Variants in CPED1 observed in about 807,000 individuals in gnomAD.
The protein encoded by CPED1 is cadherin like and PC-esterase domain containing 1.
Under a neutral mutation model 128.2 loss-of-function variants are expected in CPED1, and 114 were observed. The ratio of observed to expected loss-of-function variants is 0.89; its 90% CI spans 0.76 to 1.04. The LOEUF is 1.04. Ranked by LOEUF, CPED1 falls within the 50% of genes least tolerant of loss-of-function variation. CPED1 has a pLI of 0.00. For synonymous variants in CPED1, 462 were observed against 426.7 expected (o/e 1.08, Z -1.02); for missense variants, 1,211 against 1,207.1 (o/e 1.00, Z -0.05).
intron 9 of CPED1, among the ~76,000 whole-genome samples, chr7:121,126,739 A>G (rs540514428): frequency 2.6e-5 from 4 of 152,072 alleles, no homozygotes; most frequent in Non-Finnish European, 5.9e-5. Context: ...ATTGTTTTGC[A>G]TGCATACCTA....
intron 16 of CPED1, among the ~76,000 whole-genome samples, chr7:121,159,232 G>C (rs193108580): frequency 1.3e-5 from 2 of 151,988 alleles, no homozygotes; most frequent in Admixed American, 1.3e-4. Context: ...TAAAAAAAAT[G>C]GTATAAATTT....
chr7:121,142,267 CA>C (rs1563043227), intron 16 of CPED1, 126 bp downstream of exon 16: 1 of 880,008 alleles, frequency 1.1e-6, no homozygotes, highest in Non-Finnish European at 1.7e-6. Context: ...GGTCTCATTT[CA>C]AAAAAGTGAG....
intron 7 of CPED1, among the ~76,000 whole-genome samples, 155 bp from the exon 8 acceptor site, chr7:121,124,176 A>G (rs1203397232): frequency 3.9e-5 from 6 of 152,316 alleles, no homozygotes; most frequent in South Asian, 2.1e-4. Flanking sequence ...ATATACCTGT[A>G]TCTTAGATTA....
chr7:121,090,973 G>A (rs1015583412), intron 5 of CPED1, among the ~76,000 whole-genome samples: 3 of 151,596 alleles, frequency 2.0e-5, no homozygotes, highest in East Asian at 1.9e-4. Context: ...AAAAAAAAAA[G>A]CATAGAATTG....
chr7:121,151,600 TTTGC>T (rs1209471185), intron 16 of CPED1, among the ~76,000 whole-genome samples: 7 of 152,218 alleles, frequency 4.6e-5, no homozygotes, highest in African/African-American at 1.7e-4. Flanking sequence ...AAATCTAATA[TTTGC>T]CTTAGAAATA....
intron 4 of CPED1, among the ~76,000 whole-genome samples, chr7:121,055,326 C>A (rs1793466406): frequency 6.6e-6 from 1 of 151,956 alleles, no homozygotes; most frequent in Non-Finnish European, 1.5e-5. Context: ...ATAAATGTGG[C>A]AAGTTGCAGT....
intron 22 of CPED1, among the ~76,000 whole-genome samples, chr7:121,291,412 T>C (rs1028738136): frequency 1.3e-5 from 2 of 152,246 alleles, no homozygotes; most frequent in African/African-American, 2.4e-5. Context: ...TTTCACAATA[T>C]TGATTCTTCC....
At chr7:121,255,125 A>T (rs1012999821) in intron 18 of CPED1, among the ~76,000 whole-genome samples, 8 of 152,082 alleles carry the variant, frequency 5.3e-5, no homozygotes, top group African/African-American at 1.9e-4. Flanking sequence ...ACTTCAGCCC[A>T]GTTTGCCTGA....
chr7:121,198,341 A>G (rs1797315623), intron 16 of CPED1, among the ~76,000 whole-genome samples: 1 of 152,136 alleles, frequency 6.6e-6, no homozygotes, highest in Non-Finnish European at 1.5e-5. Flanking sequence ...CTTCTTAGAT[A>G]AAAGCTCATT....
intron 2 of CPED1, among the ~76,000 whole-genome samples, chr7:121,000,274 AT>A (rs1369316664): frequency 2.6e-5 from 4 of 152,156 alleles, no homozygotes; most frequent in Non-Finnish European, 4.4e-5. Context: ...AAATTTGGAA[AT>A]TTGCAAGGTA....
At chr7:121,264,534 A>G (rs1792085477) in intron 18 of CPED1, among the ~76,000 whole-genome samples, 1 of 152,068 alleles carries the variant, frequency 6.6e-6, no homozygotes, top group South Asian at 2.1e-4. Flanking sequence ...TTAGCATAAC[A>G]CTACTTGAGC....
intron 22 of CPED1, among the ~76,000 whole-genome samples, chr7:121,292,951 T>C (rs1174338294): frequency 2.0e-5 from 3 of 152,160 alleles, no homozygotes; most frequent in East Asian, 1.9e-4. Flanking sequence ...ATGAGGTGTC[T>C]GTCGACCCCT....
chr7:121,270,934 A>G (rs1792217897), intron 21 of CPED1, among the ~76,000 whole-genome samples: 1 of 152,134 alleles, frequency 6.6e-6, no homozygotes, highest in South Asian at 2.1e-4. Context: ...TTTGATAGGA[A>G]TAGCATTAAA....
intron 16 of CPED1, among the ~76,000 whole-genome samples, chr7:121,156,722 A>G (rs1188552486): frequency 1.3e-5 from 2 of 152,206 alleles, no homozygotes; most frequent in African/African-American, 4.8e-5. Context: ...GAATATAGCT[A>G]TACTTATTAC....
intron 16 of CPED1, among the ~76,000 whole-genome samples, chr7:121,224,787 CTTTTTTTT>C (rs143087799): frequency 1.8e-5 from 1 of 56,252 alleles, no homozygotes; most frequent in Non-Finnish European, 3.0e-5. Context: ...GCAACCCCTG[CTTTTTTTT>C]TTTTTTTTTT....
chr7:120,997,199 T>G (rs558776894), intron 2 of CPED1, among the ~76,000 whole-genome samples: 39 of 152,380 alleles, frequency 2.6e-4, no homozygotes, highest in Admixed American at 5.9e-4. Flanking sequence ...AGTGGATGTG[T>G]GCTTAAACAT....
At chr7:121,234,188 G>C (rs879311975) in intron 16 of CPED1, among the ~76,000 whole-genome samples, 5 of 151,916 alleles carry the variant, frequency 3.3e-5, no homozygotes, top group Non-Finnish European at 7.4e-5. Flanking sequence ...AAGGAGAATG[G>C]GTATGGCGTA....
chr7:121,283,721 T>C (rs1419436169), intron 22 of CPED1, among the ~76,000 whole-genome samples: 1 of 152,106 alleles, frequency 6.6e-6, no homozygotes, highest in Non-Finnish European at 1.5e-5. Flanking sequence ...CTACCTCTGA[T>C]TTCTTGTTGC....
At chr7:121,082,602 A>G (rs561968782) in intron 5 of CPED1, among the ~76,000 whole-genome samples, 2 of 152,314 alleles carry the variant, frequency 1.3e-5, no homozygotes, top group South Asian at 4.1e-4. Context: ...GTCAGACACT[A>G]TGTCAGGCAC....
Sources: gnomAD v4.1 joint callset for allele counts (sites outside exome capture counted in the v4.1 genomes callset) on GRCh38, gnomAD v4.1.1 for gene constraint, MANE v1.5 for transcripts, NCBI Gene and HGNC (gene_info 2026-07-23, HGNC 2026-07-21) for gene names.